AAMDC: variants seen among roughly 807,000 people sequenced by gnomAD.
AAMDC encodes the protein adipogenesis associated Mth938 domain containing.
Under a neutral mutation model 15.5 loss-of-function variants are expected in AAMDC, and 16 were observed. That is an observed-to-expected ratio of 1.03 (90% confidence interval 0.70 to 1.57). The LOEUF (loss-of-function observed/expected upper bound fraction) is 1.57. Ranked by LOEUF, AAMDC falls within the 40% of genes most tolerant of loss-of-function variation. The pLI, the probability that AAMDC is intolerant of heterozygous loss-of-function variation, is 0.00. For missense variants in AAMDC, 141 were observed against 144.9 expected, an observed-to-expected ratio of 0.97 and a Z score of 0.14; for synonymous variants, 51 against 51.6, an observed-to-expected ratio of 0.99 and a Z score of 0.05.
At chr11:77,835,122 C>T (rs531457987) in intron 1 of AAMDC, among the ~76,000 whole-genome samples, 1 of 152,174 alleles carries the variant, frequency 6.6e-6, no homozygotes, top group Non-Finnish European at 1.5e-5. Context: ...ATAGATCTAG[C>T]ATTGTTTGCA....
intron 5 of AAMDC, among the ~76,000 whole-genome samples, chr11:77,892,522 C>T (rs557034648): frequency 6.6e-6 from 1 of 152,316 alleles, no homozygotes; most frequent in African/African-American, 2.4e-5. Context: ...AGACTCTCTA[C>T]TTTAAAGAAA....
chr11:77,822,024 T>G (rs148090441), intron 1 of AAMDC, among the ~76,000 whole-genome samples: 346 of 152,246 alleles, frequency 2.3e-3, no homozygotes, highest in African/African-American at 7.5e-3. Context: ...TTTAAAAATA[T>G]TAGTTATCAA....
At chr11:77,880,371 G>A (rs56147880) in intron 5 of AAMDC, among the ~76,000 whole-genome samples, 3,135 of 152,234 alleles carry the variant, frequency 0.021, 96 homozygotes, top group African/African-American at 0.071. Flanking sequence ...CCCAAGGCCA[G>A]AGCAATCCAG....
intron 5 of AAMDC, among the ~76,000 whole-genome samples, chr11:77,898,601 GATAAAT>G (rs1463212186): frequency 6.6e-6 from 1 of 152,172 alleles, no homozygotes; most frequent in African/African-American, 2.4e-5. Flanking sequence ...TTTTTATGCT[GATAAAT>G]ATAAGTTCAA....
chr11:77,854,768 T>G (rs1253531006), intron 2 of AAMDC, among the ~76,000 whole-genome samples: 6 of 152,180 alleles, frequency 3.9e-5, no homozygotes, highest in Admixed American at 1.3e-4. Flanking sequence ...GGCCCTCTTC[T>G]CACACCTCCA....
chr11:77,889,246 T>TA (rs1425236194), intron 5 of AAMDC, among the ~76,000 whole-genome samples: 5 of 151,936 alleles, frequency 3.3e-5, no homozygotes, highest in Non-Finnish European at 4.4e-5. Context: ...TATGCAGCCA[T>TA]AAAAAATGAT....
chr11:77,892,288 G>A (rs1435676566), intron 5 of AAMDC, among the ~76,000 whole-genome samples: 1 of 152,142 alleles, frequency 6.6e-6, no homozygotes, highest in Non-Finnish European at 1.5e-5. Context: ...AGACTCAGAG[G>A]GGATGATGCC....
downstream of AAMDC, chr11:77,903,616 A>C: frequency 2.5e-6 from 4 of 1,613,366 alleles, no homozygotes; most frequent in Non-Finnish European, 3.4e-6. Context: ...CTTTTCCTGC[A>C]AGGCCTACGC....
At chr11:77,878,970 C>T (rs1470296945) in intron 5 of AAMDC, 4 of 1,613,942 alleles carry the variant, frequency 2.5e-6, no homozygotes, top group Non-Finnish European at 2.5e-6. Flanking sequence ...CAGGTTTGGG[C>T]ATTATATAAA....
chr11:77,902,085 C>T (rs1188336889), downstream of AAMDC, among the ~76,000 whole-genome samples: 1 of 152,178 alleles, frequency 6.6e-6, no homozygotes, highest in Non-Finnish European at 1.5e-5. Flanking sequence ...TCCAAATAAG[C>T]GATTTTCATC....
At chr11:77,842,369 G>T in intron 1 of AAMDC, 110 bp from the exon 2 acceptor site, 1 of 1,057,600 alleles carries the variant, frequency 9.5e-7, no homozygotes. Context: ...CCACGTAAAT[G>T]AAAAGATGCT....
At chr11:77,883,513 AGT>A (rs2136359430) in intron 5 of AAMDC, among the ~76,000 whole-genome samples, 5 of 152,278 alleles carry the variant, frequency 3.3e-5, no homozygotes, top group Admixed American at 3.3e-4. Flanking sequence ...TGACCAAGCA[AGT>A]CGGTGGCAGT....
chr11:77,853,227 A>C (rs1470835073), intron 2 of AAMDC, among the ~76,000 whole-genome samples: 1 of 152,234 alleles, frequency 6.6e-6, no homozygotes, highest in African/African-American at 2.4e-5. Flanking sequence ...CAGTATTTGT[A>C]TTAGTCCATT....
chr11:77,889,718 C>G (rs574906197), intron 5 of AAMDC, among the ~76,000 whole-genome samples: 5 of 152,216 alleles, frequency 3.3e-5, no homozygotes, highest in African/African-American at 7.2e-5. Flanking sequence ...AGGAATGACT[C>G]CGGGTGTGGT....
At chr11:77,868,020 C>CT (rs995422797) in intron 2 of AAMDC, among the ~76,000 whole-genome samples, 4 of 150,152 alleles carry the variant, frequency 2.7e-5, no homozygotes, top group African/African-American at 7.3e-5. Flanking sequence ...GTTGTACTGA[C>CT]TTTAACTGTT....
intron 2 of AAMDC, chr11:77,850,942 T>C (rs1950350330): frequency 6.7e-6 from 1 of 149,392 alleles, no homozygotes; most frequent in Non-Finnish European, 1.5e-5. Context: ...TTATCATTGA[T>C]ACAATAATAT....
chr11:77,886,223 T>A (rs1280730751), intron 5 of AAMDC, among the ~76,000 whole-genome samples: 3 of 151,416 alleles, frequency 2.0e-5, no homozygotes, highest in Non-Finnish European at 4.4e-5. Flanking sequence ...AAAAAAAAAA[T>A]TCCCAGCATT....
downstream of AAMDC, among the ~76,000 whole-genome samples, chr11:77,875,691 A>AAT (rs1314012588): frequency 1.3e-5 from 2 of 152,192 alleles, no homozygotes; most frequent in Non-Finnish European, 2.9e-5. Flanking sequence ...ATGTGTGAAG[A>AAT]ATATAGTATA....
chr11:77,834,173 T>C (rs1460514159), intron 1 of AAMDC, among the ~76,000 whole-genome samples: 9 of 152,260 alleles, frequency 5.9e-5, no homozygotes, highest in Admixed American at 1.3e-4. Flanking sequence ...AAATACTAAT[T>C]CAATGAATAA....
Sources: gnomAD v4.1 joint callset for allele counts (sites outside exome capture counted in the v4.1 genomes callset) on GRCh38, gnomAD v4.1.1 for gene constraint, MANE v1.5 for transcripts, NCBI Gene and HGNC (gene_info 2026-07-23, HGNC 2026-07-21) for gene names.